The following GBP6 variants were observed in gnomAD, a reference collection of about 807,000 sequenced individuals.
The protein encoded by GBP6 is guanylate binding protein family member 6.
GBP6 carries 54 observed loss-of-function variants against 61.5 expected under a neutral mutation model. The ratio of observed to expected loss-of-function variants is 0.88; its 90% CI spans 0.71 to 1.10. The LOEUF is 1.10. Among genes scored for constraint, GBP6 ranks in the 50% least tolerant of loss-of-function variants. The pLI is 0.00. For missense variants in GBP6, 748 were observed against 752.8 expected, an observed-to-expected ratio of 0.99 and a Z score of 0.07; for synonymous variants, 255 against 273.7, an observed-to-expected ratio of 0.93 and a Z score of 0.67.
At position 89,386,323 on chromosome 1, in the gene GBP6, T is replaced by G. The variant is rs1468068019; in HGVS notation, c.*854T>G. On this transcript the variant is annotated 3_prime_UTR_variant, in exon 11 of 11. Coordinates refer to ENST00000370456, the MANE Select transcript of GBP6 (RefSeq NM_198460.3). ...GGAAGAACCAAGTGAATGTAGGGGT[T>G]GAAGGAACACATACTCTTCACTTTA... The G allele has an allele frequency of 1.3e-5, 2 of 152,194 alleles. No homozygotes were observed. Among genetic ancestry groups the G allele is most frequent in the African/African-American group, 4.8e-5 (2 of 41,444 alleles). The allele number at this position is 152,194 out of a possible 1,614,324, so 9.4% of individuals were successfully genotyped here.
chr1:89,373,932 C>T (rs573523960), intron 3 of GBP6, among the ~76,000 whole-genome samples: 41 of 152,190 alleles, frequency 2.7e-4, no homozygotes, highest in African/African-American at 8.7e-4. Flanking sequence ...CCCCGCATGT[C>T]GTGGGAGGGA....
intron 6 of GBP6, among the ~76,000 whole-genome samples, chr1:89,381,150 T>G (rs1247026886): frequency 6.6e-6 from 1 of 150,690 alleles, no homozygotes; most frequent in East Asian, 2.0e-4. Context: ...CTAGTCATGG[T>G]GGCACATACT....
chr1:89,380,278 G>C (rs768368294), intron 5 of GBP6, 108 bp from the exon 6 acceptor site: 1 of 884,794 alleles, frequency 1.1e-6, no homozygotes, highest in Non-Finnish European at 1.8e-6. Flanking sequence ...AAGGAGGTCT[G>C]TAAGCATAGA....
chr1:89,377,529 C>A (rs886921180), intron 3 of GBP6, among the ~76,000 whole-genome samples: 1 of 152,156 alleles, frequency 6.6e-6, no homozygotes, highest in African/African-American at 2.4e-5. Context: ...GGTTCCACTT[C>A]TTATGTACAT....
At position 89,385,846 on chromosome 1, in the gene GBP6, G is replaced by T; in HGVS notation, c.*377G>T. 1 of 166,700 alleles carries T rather than the reference G, an allele frequency of 6.0e-6. No homozygotes were observed. Among genetic ancestry groups the T allele is most frequent in the Non-Finnish European group, 1.3e-5 (1 of 76,876 alleles). The allele number at this position is 166,700 out of a possible 1,614,324, so 10.3% of individuals were successfully genotyped here. Reference sequence around the variant, plus strand: ...CCATGCCCAGCCCTCATTTAGCAAAGTTTTAAACATAAAAAGTGCTTATTA... The same window carrying T: ...CCATGCCCAGCCCTCATTTAGCAAATTTTTAAACATAAAAAGTGCTTATTA... On this transcript the variant is annotated 3_prime_UTR_variant, in exon 11 of 11. Coordinates refer to ENST00000370456, the MANE Select transcript of GBP6 (RefSeq NM_198460.3).
rs1653188806 is a variant in GBP6, at chr1:89,388,082, T to A, written c.*2613T>A. Among the ~76,000 whole-genome samples the A allele has an allele frequency of 6.6e-6, 1 of 152,174 alleles. No individual in the cohort carries two copies. The highest frequency in any genetic ancestry group is 2.1e-4 in the South Asian group (1 of 4,828). On this transcript the variant is annotated 3_prime_UTR_variant, in exon 11 of 11. Transcript: ENST00000370456. Reference sequence around the variant, plus strand: ...ATTTTTTTTTCTGTGCTTTATACAGTGACTCAGACAAACCTATGACCTCAC... The same window carrying A: ...ATTTTTTTTTCTGTGCTTTATACAGAGACTCAGACAAACCTATGACCTCAC...
intron 2 of GBP6, among the ~76,000 whole-genome samples, 188 bp downstream of exon 2, chr1:89,368,929 C>T (rs1229095788): frequency 6.6e-6 from 1 of 152,162 alleles, no homozygotes; most frequent in Non-Finnish European, 1.5e-5. Context: ...CCCTCATTCC[C>T]ATTAAGGAAA....
At chr1:89,383,817 T>C (rs1653056995) in intron 9 of GBP6, 63 bp downstream of exon 9, 20 of 1,252,852 alleles carry the variant, frequency 1.6e-5, no homozygotes, top group Non-Finnish European at 2.2e-5. Flanking sequence ...CTAACAGATC[T>C]AACAGGAAAA....
rs1040123051 is a variant in GBP6, at chr1:89,369,604, G to C, written c.249G>C (p.Val83=). The stretch of plus-strand genomic sequence containing the variant: ...CCAAGGGCATCTGGATGTGGTGCGT[G>C]CCCCACCCATCCAAGCCAAACCACA... ...SETKGIWMWC[V]PHPSKPNHTL... Residue 83 remains valine, a synonymous_variant, in exon 3 of 11, where the codon GTG becomes GTC. Coordinates refer to ENST00000370456, the MANE Select transcript of GBP6 (RefSeq NM_198460.3). The C allele has an allele frequency of 6.2e-7, 1 of 1,613,960 alleles. No homozygotes were observed. Among genetic ancestry groups the C allele is most frequent in the Admixed American group, 1.7e-5 (1 of 59,982 alleles).
chr1:89,365,303 T>C (rs1652440834), intron 1 of GBP6, among the ~76,000 whole-genome samples: 1 of 152,226 alleles, frequency 6.6e-6, no homozygotes, highest in South Asian at 2.1e-4. Flanking sequence ...TATAAAGTTG[T>C]TTGCAGGAGC....
At position 89,381,931 on chromosome 1, in the gene GBP6, A is replaced by C; in HGVS notation, c.1109A>C (p.His370Pro). The C allele has an allele frequency of 6.2e-7, 1 of 1,613,138 alleles. No individual in the cohort carries two copies. The change falls in exon 7 of 11, where the codon CAC becomes CCC. Residue 370 changes from histidine (H) to proline (P), a missense_variant. Physicochemically the swap from His to Pro is moderately conservative, Grantham distance 77. Transcript: ENST00000370456. ...EREAIAIFME[H>P]SFKDENQEFQ... ...GAAGCCATTGCAATCTTCATGGAGC[A>C]CTCCTTCAAGGATGAAAATCAGGAA...
At chr1:89,370,973 T>C (rs925806569) in intron 3 of GBP6, among the ~76,000 whole-genome samples, 1 of 152,236 alleles carries the variant, frequency 6.6e-6, no homozygotes, top group Non-Finnish European at 1.5e-5. Flanking sequence ...TTTTGAACTC[T>C]GTCACCAACA....
At position 89,380,489 on chromosome 1, in the gene GBP6, A is replaced by G. The variant is rs1157158533; in HGVS notation, c.729A>G (p.Lys243=). Residue 243 remains lysine (K), a synonymous_variant, in exon 6 of 11, where the codon AAA becomes AAG. Coordinates refer to ENST00000370456, the MANE Select transcript of GBP6 (RefSeq NM_198460.3). ...CFVFDRPTND[K]DLLANIEKVS... ...TCTTTGACCGGCCAACAAATGACAA[A>G]GACCTTCTAGCCAATATTGAGAAGG... The G allele has an allele frequency of 1.9e-6, 3 of 1,614,160 alleles. No individual in the cohort carries two copies. The highest frequency in any genetic ancestry group is 2.5e-6 in the Non-Finnish European group (3 of 1,180,022).
chr1:89,370,733 T>A (rs915836005), intron 3 of GBP6, among the ~76,000 whole-genome samples: 1 of 152,228 alleles, frequency 6.6e-6, no homozygotes, highest in African/African-American at 2.4e-5. Context: ...TTTTGGTATG[T>A]GTATACACTG....
chr1:89,371,658 G>A (rs548781414), intron 3 of GBP6, among the ~76,000 whole-genome samples: 16 of 152,230 alleles, frequency 1.1e-4, no homozygotes, highest in African/African-American at 3.4e-4. Flanking sequence ...TTGATGGGAC[G>A]TATTTCAAAA....
chr1:89,380,404 A>G lies in GBP6; in HGVS notation c.644A>G (p.Gln215Arg). Reference protein sequence around the residue: ...KLIQGNNPRVQTSNFPRECIR... With the variant: ...KLIQGNNPRVRTSNFPRECIR... Reference sequence around the variant, plus strand: ...CCCTCAGGCAATAATCCCAGAGTTCAAACATCCAATTTTCCCAGGGAGTGC... The same window carrying G: ...CCCTCAGGCAATAATCCCAGAGTTCGAACATCCAATTTTCCCAGGGAGTGC... Residue 215 changes from glutamine to arginine, a missense_variant, in exon 6 of 11, where the codon CAA becomes CGA. Transcript: ENST00000370456. The G allele has an allele frequency of 6.2e-7, 1 of 1,613,886 alleles. No individual in the cohort carries two copies. The highest frequency in any genetic ancestry group is 8.5e-7 in the Non-Finnish European group (1 of 1,179,790).
intron 1 of GBP6, among the ~76,000 whole-genome samples, chr1:89,366,540 TAA>T (rs1279362561): frequency 1.3e-5 from 2 of 152,152 alleles, no homozygotes; most frequent in African/African-American, 4.8e-5. Flanking sequence ...TGATGATCAT[TAA>T]AAAGTTACTG....
rs17130791 is a variant in GBP6 at position 89,383,518 on chromosome 1, G to A, written c.1366-134G>A. ...GGGCTCTGGTCACCCTAAAGAGCCC[G>A]CACACTTTGTAGGGGGCCACTTTAG... On this transcript the variant is annotated intron_variant, in intron 8 of 10. Transcript: ENST00000370456. The A allele has an allele frequency of 1.2e-3, 800 of 641,112 alleles. 10 individuals are homozygous for A. The East Asian group carries it at 0.017, about 14-fold the overall frequency. The allele number at this position is 641,112 out of a possible 1,614,324, so 39.7% of individuals were successfully genotyped here.
At chr1:89,377,734 T>C (rs919895728) in intron 3 of GBP6, among the ~76,000 whole-genome samples, 32 of 152,198 alleles carry the variant, frequency 2.1e-4, no homozygotes, top group Non-Finnish European at 4.6e-4. Context: ...CAATCCCCAG[T>C]TATGCATACT....
Sources: gnomAD v4.1 joint callset for allele counts (sites outside exome capture counted in the v4.1 genomes callset) on GRCh38, gnomAD v4.1.1 for gene constraint, MANE v1.5 for transcripts, NCBI Gene and HGNC (gene_info 2026-07-23, HGNC 2026-07-21) for gene names.